The following LPP variants were observed in gnomAD, a reference collection of about 807,000 sequenced individuals.
LPP encodes the protein LIM domain containing preferred translocation partner in lipoma.
Under a neutral mutation model 60.4 loss-of-function variants are expected in LPP, and 38 were observed. The ratio of observed to expected loss-of-function variants is 0.63; its 90% CI spans 0.49 to 0.83. LPP has a LOEUF of 0.83. Among genes scored for constraint, LPP ranks in the 40% least tolerant of loss-of-function variants. The probability of loss-of-function intolerance (pLI) is 0.00; values close to 1 mark genes in which losing one functional copy is unlikely to be tolerated. For synonymous variants in LPP, 328 were observed against 290.8 expected, an observed-to-expected ratio of 1.13 and a Z score of -1.30; for missense variants, 902 against 783.6, an observed-to-expected ratio of 1.15 and a Z score of -1.80.
chr3:188,193,155 G>A (rs1198478608), intron 1 of LPP, among the ~76,000 whole-genome samples: 3 of 152,200 alleles, frequency 2.0e-5, no homozygotes, highest in Admixed American at 6.5e-5. Context: ...GGGAGAGAAT[G>A]TGCTGATTAT....
chr3:188,823,489 AAAAC>A (rs1754556339), intron 9 of LPP, among the ~76,000 whole-genome samples: 1 of 152,178 alleles, frequency 6.6e-6, no homozygotes, highest in Non-Finnish European at 1.5e-5. Flanking sequence ...GGAGCAGAAA[AAAAC>A]AAACACAAAG....
chr3:188,451,238 T>C (rs1295231094), intron 4 of LPP, among the ~76,000 whole-genome samples: 1 of 152,184 alleles, frequency 6.6e-6, no homozygotes, highest in African/African-American at 2.4e-5. Flanking sequence ...CCATACATAG[T>C]AAACAGATTC....
At chr3:188,229,109 T>C (rs563198989) in intron 2 of LPP, among the ~76,000 whole-genome samples, 8 of 152,376 alleles carry the variant, frequency 5.3e-5, no homozygotes, top group African/African-American at 1.7e-4. Context: ...CTTTGCTTAA[T>C]GATGCAGGTT....
intron 7 of LPP, among the ~76,000 whole-genome samples, chr3:188,707,378 T>A (rs1416504669): frequency 1.3e-5 from 2 of 152,148 alleles, no homozygotes; most frequent in African/African-American, 2.4e-5. Context: ...ATACATTTTA[T>A]ATGGAGTCTT....
intron 6 of LPP, among the ~76,000 whole-genome samples, chr3:188,571,671 G>A (rs936687766): frequency 4.6e-5 from 7 of 152,168 alleles, no homozygotes; most frequent in African/African-American, 1.2e-4. Context: ...GTCATACAGC[G>A]TATTTGCTAA....
rs1766309598 is a variant in LPP at position 188,352,794 on chromosome 3, T to C, written c.-10+11075T>C. On this transcript the variant is annotated intron_variant, in intron 3 of 11. Coordinates refer to ENST00000617246, the MANE Select transcript of LPP (RefSeq NM_001375462.1). This position sits in a 1 kb window ranked among gnomAD's most constrained non-coding sequence, Gnocchi z 4.4. ...CTGGTGACACTGCCGTGCCTAGGAGTGGGCAGAGAAGGTGAAGACACGGAG... is the reference window on the plus strand; with the variant it reads ...CTGGTGACACTGCCGTGCCTAGGAGCGGGCAGAGAAGGTGAAGACACGGAG... Among the ~76,000 whole-genome samples the C allele has an allele frequency of 6.6e-6, 1 of 151,756 alleles. No homozygotes were observed. Among genetic ancestry groups the C allele is most frequent in the African/African-American group, 2.4e-5 (1 of 41,254 alleles).
chr3:188,741,195 C>T (rs1328444298), intron 8 of LPP, among the ~76,000 whole-genome samples: 2 of 151,654 alleles, frequency 1.3e-5, no homozygotes, highest in Non-Finnish European at 2.9e-5. Context: ...AAAGTAGACC[C>T]TTCCTTGATA....
At chr3:188,325,146 A>T (rs983780887) in intron 2 of LPP, among the ~76,000 whole-genome samples, 4 of 151,844 alleles carry the variant, frequency 2.6e-5, no homozygotes, top group African/African-American at 9.7e-5. Flanking sequence ...ACGCTCGGCT[A>T]ATTTTTGTAT....
At chr3:188,329,007 GT>G (rs1171864177) in intron 2 of LPP, among the ~76,000 whole-genome samples, 1 of 152,104 alleles carries the variant, frequency 6.6e-6, no homozygotes, top group Non-Finnish European at 1.5e-5. Flanking sequence ...GACTGCAACA[GT>G]TTTTTTACCC....
chr3:188,370,913 GTTTTA>G (rs1222761067), intron 3 of LPP, among the ~76,000 whole-genome samples: 1 of 152,038 alleles, frequency 6.6e-6, no homozygotes, highest in Non-Finnish European at 1.5e-5. Flanking sequence ...CTTTGCCATT[GTTTTA>G]TTTTATTTTT....
At chr3:188,431,803 A>G (rs528897449) in intron 4 of LPP, among the ~76,000 whole-genome samples, 1 of 152,316 alleles carries the variant, frequency 6.6e-6, no homozygotes, top group South Asian at 2.1e-4. Flanking sequence ...ATTCAACTAC[A>G]GATATTGCAT....
chr3:188,226,793 A>C (rs1459652116), intron 2 of LPP, among the ~76,000 whole-genome samples: 1 of 152,206 alleles, frequency 6.6e-6, no homozygotes, highest in Admixed American at 6.5e-5. Context: ...ACTTCATTTA[A>C]AAGTGTGACT....
In LPP at chr3:188,310,478, C is replaced by A. The variant is rs570037142; in HGVS notation, c.-66-31185C>A. Among the ~76,000 whole-genome samples, 67 of 152,168 alleles carry A rather than the reference C, an allele frequency of 4.4e-4. No homozygotes were observed. In the Middle Eastern group the frequency reaches 0.01, roughly 23 times the overall value. Reference sequence around the variant, plus strand: ...AGCCAGTGGAATTGAGGGAGAAATGCTCATTCTTTGCTGACACATGAAATA... The same window carrying A: ...AGCCAGTGGAATTGAGGGAGAAATGATCATTCTTTGCTGACACATGAAATA... On this transcript the variant is annotated intron_variant, in intron 2 of 11. Transcript: ENST00000617246.
chr3:188,854,212 C>A (rs1248017026), intron 9 of LPP, among the ~76,000 whole-genome samples: 1 of 152,240 alleles, frequency 6.6e-6, no homozygotes, highest in Admixed American at 6.5e-5. Context: ...AAACCCTATA[C>A]TCCCTGGCTG....
Position 188,224,557 on chromosome 3 carries a change from C to T in LPP, c.-189-848C>T, listed in dbSNP as rs956141290. ...AAAGAAATAGCTGAGGCTCGGTAAT[C>T]TATAAGAAAGAAGGTGTAATTGGGT... On this transcript the variant is annotated intron_variant, in intron 1 of 11. Transcript: ENST00000617246. 3.3e-5 allele frequency among the ~76,000 whole-genome samples: 5 copies of T among 152,222 alleles called. No homozygotes were observed. In the East Asian group the frequency reaches 9.7e-4, roughly 29 times the overall value.
chr3:188,157,934 G>C (rs924287210), intron 1 of LPP, among the ~76,000 whole-genome samples: 1 of 152,190 alleles, frequency 6.6e-6, no homozygotes, highest in African/African-American at 2.4e-5. Flanking sequence ...TCTCCAGGCT[G>C]TGTTTTGAAA....
chr3:188,860,503 G>T (rs868038254), intron 9 of LPP, among the ~76,000 whole-genome samples: 1 of 152,010 alleles, frequency 6.6e-6, no homozygotes, highest in Non-Finnish European at 1.5e-5. Context: ...TGAGGCAACC[G>T]CTCAGGAACT....
At chr3:188,408,056 G>T (rs1477108513) in intron 4 of LPP, among the ~76,000 whole-genome samples, 2 of 152,186 alleles carry the variant, frequency 1.3e-5, no homozygotes, top group East Asian at 3.9e-4. Context: ...CCAAAGGGCT[G>T]GGATTACAGG....
intron 5 of LPP, among the ~76,000 whole-genome samples, chr3:188,512,761 A>G (rs1560502586): frequency 6.6e-6 from 1 of 152,168 alleles, no homozygotes; most frequent in Non-Finnish European, 1.5e-5. Context: ...CTTGAAAATG[A>G]TGAGCTAATG....
Sources: gnomAD v4.1 joint callset for allele counts (sites outside exome capture counted in the v4.1 genomes callset) on GRCh38, gnomAD v4.1.1 for gene constraint, Gnocchi (gnomAD v3.1) non-coding constraint, MANE v1.5 for transcripts, NCBI Gene and HGNC (gene_info 2026-07-23, HGNC 2026-07-21) for gene names.